The following EFHB variants were observed in gnomAD, a reference collection of about 807,000 sequenced individuals.
The protein encoded by EFHB is EF-hand domain family member B.
EFHB carries 91 observed loss-of-function variants against 87.2 expected under a neutral mutation model. That is an observed-to-expected ratio of 1.04 (90% CI 0.88 to 1.24). The LOEUF is 1.24. EFHB is among the 50% of genes most tolerant of loss of function. The probability of loss-of-function intolerance (pLI) is 0.00; values close to 1 mark genes in which losing one functional copy is unlikely to be tolerated. For synonymous variants in EFHB, 325 were observed against 333.6 expected (o/e 0.97, Z 0.28); for missense variants, 1,084 against 998.8 (o/e 1.09, Z -1.15).
chr3:19,888,404 A>T (rs985489547), intron 10 of EFHB, 40 bp downstream of exon 10: 17 of 1,169,140 alleles, frequency 1.5e-5, no homozygotes, highest in African/African-American at 1.6e-5. Context: ...TTTAAAATTT[A>T]AAAAAATAAT....
chr3:19,940,173 A>T (rs2125171709), intron 1 of EFHB: 1 of 156,882 alleles, frequency 6.4e-6, no homozygotes, highest in Non-Finnish European at 1.4e-5. Context: ...ACTGATCAAA[A>T]AAGAAAAAAA....
upstream of EFHB, among the ~76,000 whole-genome samples, chr3:19,939,043 A>C (rs926245468): frequency 2.6e-5 from 4 of 152,030 alleles, no homozygotes; most frequent in African/African-American, 9.7e-5. Flanking sequence ...TGTAGCTGAA[A>C]CTACAGGCAC....
At chr3:19,884,227 C>T (rs1002177421) in intron 11 of EFHB, 176 bp downstream of exon 11, 4 of 589,140 alleles carry the variant, frequency 6.8e-6, no homozygotes, top group African/African-American at 1.9e-5. Flanking sequence ...TTGGCAATTC[C>T]GTTCAATCAA....
intron 6 of EFHB, among the ~76,000 whole-genome samples, chr3:19,902,612 A>T (rs2125133326): frequency 6.6e-6 from 1 of 152,076 alleles, no homozygotes; most frequent in South Asian, 2.1e-4. Context: ...TCAGCCTCCC[A>T]AAGTGCTGGG....
chr3:19,899,071 C>T (rs927451806), intron 7 of EFHB, among the ~76,000 whole-genome samples: 6 of 152,074 alleles, frequency 3.9e-5, no homozygotes, highest in Admixed American at 1.3e-4. Context: ...CAAAGAAAAG[C>T]AGAACACACA....
At chr3:19,896,620 G>A (rs1299725425) in intron 9 of EFHB, 67 bp downstream of exon 9, 2 of 1,605,926 alleles carry the variant, frequency 1.2e-6, no homozygotes, top group Non-Finnish European at 1.7e-6. Flanking sequence ...GCTGACCCCT[G>A]ATCTACACCA....
intron 1 of EFHB, among the ~76,000 whole-genome samples, chr3:19,945,286 CTAGAGT>C (rs1470510219): frequency 7.2e-5 from 11 of 152,100 alleles, no homozygotes; most frequent in Non-Finnish European, 1.5e-4. Context: ...TGGGTTGGGA[CTAGAGT>C]TAAAGAACTT....
At chr3:19,916,060 T>G (rs542076648) in intron 4 of EFHB, among the ~76,000 whole-genome samples, 1 of 152,316 alleles carries the variant, frequency 6.6e-6, no homozygotes, top group African/African-American at 2.4e-5. Context: ...ATCCTGAGAA[T>G]CTCTGTACAA....
In EFHB at chr3:19,933,301, C is replaced by G; in HGVS notation, c.718G>C (p.Val240Leu). The G allele has an allele frequency of 6.2e-7, 1 of 1,613,978 alleles. No homozygotes were observed. Among genetic ancestry groups the G allele is most frequent in the Non-Finnish European group, 8.5e-7 (1 of 1,179,896 alleles). ...RKEAGNIESG[V>L]EPPDRIRPIY... ...GGTCTGATGCGATCTGGAGGTTCCA[C>G]TCCTGATTCAATGTTTCCAGCCTCC... Residue 240 changes from valine (V) to leucine (L), a missense_variant, in exon 1 of 13, where the codon GTG (valine) becomes CTG (leucine). By Grantham distance (32) the Val-to-Leu change is conservative. Transcript: ENST00000295824.
chr3:19,941,280 G>A (rs1171233585), intron 1 of EFHB: 3 of 269,826 alleles, frequency 1.1e-5, no homozygotes, highest in South Asian at 5.5e-5. Context: ...TTCAAATAGG[G>A]CATGTGTAAG....
Position 19,896,728 on chromosome 3 carries a change from T to A in EFHB, c.1684A>T (p.Lys562Ter). ...RHHLKKVNYQ[K>*]FDTLLAAFRH... The stretch of plus-strand genomic sequence containing the variant: ...AAGGCTGCCAGCAAAGTGTCAAACT[T>A]TTGGTAATTAACTTTCTTCAGGTGA... The change falls in exon 9 of 13, where the codon AAG (lysine) becomes TAG (stop). Residue 562 changes from lysine (K) to a stop codon, truncating the protein, a stop_gained. Coordinates refer to ENST00000295824, the MANE Select transcript of EFHB (RefSeq NM_144715.4). LOFTEE classifies it high-confidence loss of function. 1 of 1,613,978 alleles carries A rather than the reference T, an allele frequency of 6.2e-7. No homozygotes were observed. Among genetic ancestry groups the A allele is most frequent in the East Asian group, 2.2e-5 (1 of 44,878 alleles).
intron 5 of EFHB, among the ~76,000 whole-genome samples, chr3:19,908,585 AGAGAGAGAGAGAG>A (rs1559459624): frequency 6.5e-5 from 8 of 123,074 alleles, no homozygotes; most frequent in African/African-American, 2.6e-4. Context: ...AGAGAGAGAG[AGAGAGAGAGAGAG>A]AGAAAGAAAG....
chr3:19,925,900 C>G (rs1695608241), intron 1 of EFHB, among the ~76,000 whole-genome samples: 1 of 152,118 alleles, frequency 6.6e-6, no homozygotes, highest in South Asian at 2.1e-4. Context: ...AGAGAGATCC[C>G]CAATTCTAAA....
chr3:19,925,825 T>C (rs948958594), intron 1 of EFHB, among the ~76,000 whole-genome samples: 1 of 152,176 alleles, frequency 6.6e-6, no homozygotes, highest in Non-Finnish European at 1.5e-5. Flanking sequence ...TCAAACTCAA[T>C]GTGGGTTAGC....
Position 19,929,592 on chromosome 3 carries a change from C to A in EFHB, c.789+3638G>T, listed in dbSNP as rs1460377797. On this transcript the variant is annotated intron_variant, in intron 1 of 12. Transcript: ENST00000295824. ...GGTGTGGGGGCAGGCACCTGTAATT[C>A]CAGCCACTCAGGAGGCTGAGGCAGG... is the stretch of plus-strand genomic sequence containing the variant. 5.3e-5 allele frequency among the ~76,000 whole-genome samples: 8 copies of A among 151,228 alleles called. No individual in the cohort carries two copies. In the Admixed American group the frequency reaches 5.3e-4, roughly 10 times the overall value.
At chr3:19,891,723 T>C (rs1694312825) in intron 9 of EFHB, among the ~76,000 whole-genome samples, 1 of 152,164 alleles carries the variant, frequency 6.6e-6, no homozygotes, top group Non-Finnish European at 1.5e-5. Context: ...ATCTGGGTAG[T>C]TCATGTAGAT....
chr3:19,904,392 T>C lies in EFHB; in HGVS notation c.1418+1228A>G, dbSNP rs1440778040. On this transcript the variant is annotated intron_variant, in intron 6 of 12. Transcript: ENST00000295824. ...CTTTTTTTGTTGTTTTCCCTAGAGA[T>C]GGTGTCTTGCTATGTTGCCCAGGCT... 2.6e-5 allele frequency among the ~76,000 whole-genome samples: 4 copies of C among 152,162 alleles called. No homozygotes were observed. In the East Asian group the frequency reaches 7.7e-4, roughly 29 times the overall value.
chr3:19,879,788 C>T lies in EFHB; in HGVS notation c.2345G>A (p.Cys782Tyr). ...ATCAGACAGTTTGACACCAATGTTA[C>T]ACAATATCTCTGCAATCTAGAAAAA... ...RSKEEIAEIL[C>Y]NIGVKLSDEE... Residue 782 changes from cysteine to tyrosine, a missense_variant, in exon 13 of 13, where the codon TGT (cysteine) becomes TAT (tyrosine). By Grantham distance (194) the Cys-to-Tyr change is radical. Coordinates refer to ENST00000295824, the MANE Select transcript of EFHB (RefSeq NM_144715.4). The T allele has an allele frequency of 1.3e-6, 2 of 1,596,020 alleles. No homozygotes were observed. Among genetic ancestry groups the T allele is most frequent in the Non-Finnish European group, 8.5e-7 (1 of 1,174,084 alleles).
intron 12 of EFHB, 126 bp from the exon 13 acceptor site, chr3:19,879,930 G>T: frequency 1.2e-6 from 1 of 839,220 alleles, no homozygotes; most frequent in Non-Finnish European, 1.8e-6. Context: ...GTATGTGTGT[G>T]TATGTATTTG....
Sources: allele counts gnomAD v4.1 joint callset (sites outside exome capture counted in the v4.1 genomes callset), GRCh38; gene constraint gnomAD v4.1.1; transcripts MANE v1.5; gene names NCBI Gene and HGNC (gene_info 2026-07-23, HGNC 2026-07-21).